FAM135B: variants seen among roughly 807,000 people sequenced by gnomAD.
FAM135B encodes protein FAM135B.
In FAM135B, 43 loss-of-function variants were observed where a neutral mutation model predicts 127.7. The ratio of observed to expected loss-of-function variants is 0.34; its 90% CI spans 0.26 to 0.43. The LOEUF is 0.43. Among genes scored for constraint, FAM135B ranks in the 20% least tolerant of loss-of-function variants. FAM135B has a pLI of 1.00. For synonymous variants in FAM135B, 670 were observed against 665.1 expected, an observed-to-expected ratio of 1.01 and a Z score of -0.11; for missense variants, 1,558 against 1,725.6, an observed-to-expected ratio of 0.90 and a Z score of 1.72.
intron 12 of FAM135B, among the ~76,000 whole-genome samples, chr8:138,167,132 G>A (rs1008193924): frequency 6.6e-6 from 1 of 151,966 alleles, no homozygotes; most frequent in African/African-American, 2.4e-5. Context: ...AAGCAGACAG[G>A]GGGATAATGT....
chr8:138,282,214 T>C (rs975653125), intron 3 of FAM135B, among the ~76,000 whole-genome samples: 1 of 152,210 alleles, frequency 6.6e-6, no homozygotes, highest in African/African-American at 2.4e-5. Context: ...AAAAGTAATC[T>C]ACCATCCCAG....
chr8:138,294,282 C>A lies in FAM135B; in HGVS notation c.157+16559G>T, dbSNP rs1425673559. On this transcript the variant is annotated intron_variant, in intron 3 of 19. Coordinates refer to ENST00000395297, the MANE Select transcript of FAM135B (RefSeq NM_015912.4). ...GGGGTGAAAGATAAAAAATTGCACG[C>A]TGGGTACCATGTACAATACTTGGGT... Among the ~76,000 whole-genome samples, 2 of 151,982 alleles carry A rather than the reference C, an allele frequency of 1.3e-5. 1 individual carries two copies. The highest frequency in any genetic ancestry group is 4.8e-5 in the African/African-American group (2 of 41,400).
intron 2 of FAM135B, among the ~76,000 whole-genome samples, chr8:138,363,330 C>T (rs1449967802): frequency 6.6e-6 from 1 of 152,142 alleles, no homozygotes; most frequent in East Asian, 1.9e-4. Context: ...TTTCAGATTG[C>T]CCCACAAGAC....
rs542333762 is a variant in FAM135B at position 138,328,652 on chromosome 8, C to G, written c.78-17732G>C. Among the ~76,000 whole-genome samples, 15 of 152,224 alleles carry G rather than the reference C, an allele frequency of 9.9e-5. No homozygotes were observed. The East Asian group carries it at 2.9e-3, about 29-fold the overall frequency. ...AGTGTTACTATAAAAATAGATGGACCGAGCTACCTTTCACCAGAGGATATA... is the reference window on the plus strand; with the variant it reads ...AGTGTTACTATAAAAATAGATGGACGGAGCTACCTTTCACCAGAGGATATA... On this transcript the variant is annotated intron_variant, in intron 2 of 19. Coordinates refer to ENST00000395297, the MANE Select transcript of FAM135B (RefSeq NM_015912.4).
intron 1 of FAM135B, among the ~76,000 whole-genome samples, chr8:138,479,148 T>C (rs923299422): frequency 6.6e-6 from 1 of 152,170 alleles, no homozygotes; most frequent in African/African-American, 2.4e-5. Flanking sequence ...GAAAGCGGTG[T>C]GGAACTTCCA....
chr8:138,161,987 A>G (rs1381526946), intron 12 of FAM135B, among the ~76,000 whole-genome samples: 3 of 152,178 alleles, frequency 2.0e-5, no homozygotes, highest in Admixed American at 6.5e-5. Flanking sequence ...CAGAATTCCA[A>G]CAAAACAAAT....
intron 1 of FAM135B, among the ~76,000 whole-genome samples, chr8:138,465,692 T>G (rs937083525): frequency 4.6e-5 from 7 of 152,002 alleles, no homozygotes; most frequent in Non-Finnish European, 1.0e-4. Context: ...CAGCTGAGTG[T>G]GACTTGTACC....
At chr8:138,351,513 C>G (rs954765718) in intron 2 of FAM135B, among the ~76,000 whole-genome samples, 1 of 152,004 alleles carries the variant, frequency 6.6e-6, no homozygotes, top group Admixed American at 6.6e-5. Flanking sequence ...AACGGATCCT[C>G]GCAGTCCTGA....
chr8:138,343,932 T>C (rs78519525), intron 2 of FAM135B, among the ~76,000 whole-genome samples: 5,817 of 152,226 alleles, frequency 0.038, 209 homozygotes, highest in East Asian at 0.16. Context: ...CCCTTCCAGA[T>C]CATTGCTGCC....
At chr8:138,336,725 G>C (rs1056551895) in intron 2 of FAM135B, among the ~76,000 whole-genome samples, 1 of 152,146 alleles carries the variant, frequency 6.6e-6, no homozygotes, top group Non-Finnish European at 1.5e-5. Flanking sequence ...ACAATTAATA[G>C]AAAAAGAGGG....
chr8:138,276,584 T>A (rs1186854841), intron 3 of FAM135B, among the ~76,000 whole-genome samples: 1 of 152,030 alleles, frequency 6.6e-6, no homozygotes, highest in Non-Finnish European at 1.5e-5. Context: ...CAGAAACAGA[T>A]CATAGCCTCA....
intron 2 of FAM135B, among the ~76,000 whole-genome samples, chr8:138,344,724 T>G (rs1291847564): frequency 6.6e-6 from 1 of 152,022 alleles, no homozygotes; most frequent in Non-Finnish European, 1.5e-5. Flanking sequence ...TACAGGTGCC[T>G]GCAACCACAC....
Position 138,247,336 on chromosome 8 carries a change from G to A in FAM135B, c.542+3505C>T, listed in dbSNP as rs1165313561. On this transcript the variant is annotated intron_variant, in intron 6 of 19. Coordinates refer to ENST00000395297, the MANE Select transcript of FAM135B (RefSeq NM_015912.4). Reference sequence around the variant, plus strand: ...AGTTTCCATAATCCTCACATGTGGTGGGAGGGATCTGGTGGGAGGTAACTG... The same window carrying A: ...AGTTTCCATAATCCTCACATGTGGTAGGAGGGATCTGGTGGGAGGTAACTG... 2.0e-5 allele frequency among the ~76,000 whole-genome samples: 3 copies of A among 152,318 alleles called. No individual in the cohort carries two copies. The East Asian group carries it at 5.8e-4, about 29-fold the overall frequency.
At chr8:138,363,259 C>T (rs935304222) in intron 2 of FAM135B, among the ~76,000 whole-genome samples, 1 of 152,152 alleles carries the variant, frequency 6.6e-6, no homozygotes, top group Admixed American at 6.5e-5. Context: ...ATTTAGTTGG[C>T]ATCTGCTAGA....
chr8:138,470,453 G>A (rs1837615110), intron 1 of FAM135B, among the ~76,000 whole-genome samples: 1 of 152,174 alleles, frequency 6.6e-6, no homozygotes, highest in Non-Finnish European at 1.5e-5. Flanking sequence ...GGTTCAGATG[G>A]TCTTGCGGAT....
At chr8:138,251,054 G>A (rs1228174508) in intron 5 of FAM135B, 40 bp from the exon 6 acceptor site, 2 of 1,609,142 alleles carry the variant, frequency 1.2e-6, no homozygotes, top group East Asian at 2.2e-5. Flanking sequence ...GAAATGGTGG[G>A]TTGCCCCTGC....
chr8:138,333,312 A>T (rs1234853379), intron 2 of FAM135B, among the ~76,000 whole-genome samples: 2 of 152,130 alleles, frequency 1.3e-5, no homozygotes, highest in Non-Finnish European at 2.9e-5. Context: ...TGGGTCTTTC[A>T]TCCTATTTTC....
chr8:138,367,794 G>T lies in FAM135B; in HGVS notation c.77+113C>A, dbSNP rs1004493347. 3.8e-6 allele frequency: 3 copies of T among 784,962 alleles called. No individual in the cohort carries two copies. The African/African-American group carries it at 5.2e-5, about 14-fold the overall frequency. The allele number at this position is 784,962 out of a possible 1,614,324, so 48.6% of individuals were successfully genotyped here. On this transcript the variant is annotated intron_variant, in intron 2 of 19. Transcript: ENST00000395297. Reference sequence around the variant, plus strand: ...AAAACACAATGAAAATCTTTTCTTCGTTAGTCCCAAATTTCCTATAATCTG... The same window carrying T: ...AAAACACAATGAAAATCTTTTCTTCTTTAGTCCCAAATTTCCTATAATCTG...
chr8:138,279,791 C>T (rs1824120932), intron 3 of FAM135B, among the ~76,000 whole-genome samples: 1 of 152,196 alleles, frequency 6.6e-6, no homozygotes, highest in Non-Finnish European at 1.5e-5. Flanking sequence ...CTCTCACCCT[C>T]TATTGTTCTG....
Sources: gnomAD v4.1 joint callset for allele counts (sites outside exome capture counted in the v4.1 genomes callset) on GRCh38, gnomAD v4.1.1 for gene constraint, MANE v1.5 for transcripts, NCBI Gene and HGNC (gene_info 2026-07-23, HGNC 2026-07-21) for gene names.